Variants in ZNF503 observed in about 807,000 individuals in gnomAD.
ZNF503 encodes zinc finger protein 503, also known as NocA-like zinc finger 2.
In ZNF503, 15 loss-of-function variants were observed where a neutral mutation model predicts 34.4. That is an observed-to-expected ratio of 0.44 (90% CI 0.29 to 0.67). The LOEUF is 0.67. Ranked by LOEUF, ZNF503 falls within the 30% of genes least tolerant of loss-of-function variation. The pLI is 0.13. For missense variants in ZNF503, 1,007 were observed against 926.8 expected, an observed-to-expected ratio of 1.09 and a Z score of -1.12; for synonymous variants, 580 against 456.8, an observed-to-expected ratio of 1.27 and a Z score of -3.44.
At chr10:75,394,044 C>G (rs1843671384), downstream of ZNF503, among the ~76,000 whole-genome samples, 1 of 152,206 alleles carries the variant, frequency 6.6e-6, no homozygotes, top group South Asian at 2.1e-4. Context: ...CAGGCAAGAG[C>G]AGCCAAGGTG....
At chr10:75,340,164 A>C in the ZNF503 span, among the ~76,000 whole-genome samples, 1 of 2,344 alleles carries the variant, frequency 4.3e-4, no homozygotes, top group Non-Finnish European at 9.9e-4. Context: ...GGCCGGGGGG[A>C]GGGGGCGGGG....
rs781762898 is a variant in ZNF503 at position 75,401,099 on chromosome 10, C to A, written c.315+6G>T. On this transcript the variant is annotated splice_donor_region_variant and intron_variant, in intron 1 of 1. Coordinates refer to ENST00000372524, the MANE Select transcript of ZNF503 (RefSeq NM_032772.6). ...TCCCAGTGCGATCCAGAGAGAGGGT[C>A]CTTACCTCGATGGGGCTGACCGGCG... 1 of 1,613,606 alleles carries A rather than the reference C, an allele frequency of 6.2e-7. No homozygotes were observed. Among genetic ancestry groups the A allele is most frequent in the African/African-American group, 1.3e-5 (1 of 74,876 alleles).
At chr10:75,296,202 T>C in the ZNF503 span, among the ~76,000 whole-genome samples, 1 of 152,218 alleles carries the variant, frequency 6.6e-6, no homozygotes, top group African/African-American at 2.4e-5. Context: ...GGGGTCCCTG[T>C]CTCAGCATGG....
the ZNF503 span, chr10:75,350,294 A>G: frequency 6.6e-6 from 1 of 152,188 alleles, no homozygotes; most frequent in Non-Finnish European, 1.5e-5. Flanking sequence ...AGTAGGGTCT[A>G]TATAATTTAT....
At chr10:75,318,163 A>G in the ZNF503 span, among the ~76,000 whole-genome samples, 20 of 152,210 alleles carry the variant, frequency 1.3e-4, no homozygotes, top group Admixed American at 2.0e-4. Flanking sequence ...GTGTACATAT[A>G]TCAAAACATC....
the ZNF503 span, among the ~76,000 whole-genome samples, chr10:75,347,565 C>T: frequency 3.3e-5 from 5 of 152,226 alleles, no homozygotes; most frequent in South Asian, 1.0e-3. Context: ...TAACTCAGGC[C>T]TCATTGCCCT....
At chr10:75,370,378 G>T in the ZNF503 span, among the ~76,000 whole-genome samples, 1 of 152,066 alleles carries the variant, frequency 6.6e-6, no homozygotes, top group Non-Finnish European at 1.5e-5. Flanking sequence ...ATCTATTCTG[G>T]CACACAAATC....
At chr10:75,384,430 A>T in the ZNF503 span, among the ~76,000 whole-genome samples, 2 of 152,250 alleles carry the variant, frequency 1.3e-5, no homozygotes, top group African/African-American at 4.8e-5. Context: ...AAACACATAG[A>T]GTGTCACTTG....
At chr10:75,282,481 A>T in the ZNF503 span, among the ~76,000 whole-genome samples, 6 of 152,342 alleles carry the variant, frequency 3.9e-5, no homozygotes, top group East Asian at 3.9e-4. Context: ...TGAAGTCATC[A>T]TTGAGCTGCT....
the ZNF503 span, among the ~76,000 whole-genome samples, chr10:75,346,805 G>GA: frequency 1.1e-5 from 1 of 90,118 alleles, no homozygotes; most frequent in African/African-American, 3.7e-5. Context: ...TTATTAAAAA[G>GA]AATTTTTTTT....
At chr10:75,379,424 C>T in the ZNF503 span, among the ~76,000 whole-genome samples, 34 of 152,318 alleles carry the variant, frequency 2.2e-4, no homozygotes, top group Middle Eastern at 3.4e-3. Flanking sequence ...GATCTGTTTA[C>T]GAGCTGATTA....
chr10:75,369,301 A>T, the ZNF503 span, among the ~76,000 whole-genome samples: 2 of 152,210 alleles, frequency 1.3e-5, no homozygotes, highest in African/African-American at 4.8e-5. Flanking sequence ...CTCTGTGTCC[A>T]GACCCAAATC....
chr10:75,353,433 TCAGCTG>T, the ZNF503 span, among the ~76,000 whole-genome samples: 1 of 152,178 alleles, frequency 6.6e-6, no homozygotes, highest in African/African-American at 2.4e-5. Context: ...TCTGCTCTCC[TCAGCTG>T]AGCAGCCAGA....
the ZNF503 span, among the ~76,000 whole-genome samples, chr10:75,286,388 G>A: frequency 6.6e-6 from 1 of 152,140 alleles, no homozygotes; most frequent in African/African-American, 2.4e-5. Flanking sequence ...TTAAATACTG[G>A]GCTAGGGCTG....
At chr10:75,309,997 T>G in the ZNF503 span, among the ~76,000 whole-genome samples, 1 of 152,242 alleles carries the variant, frequency 6.6e-6, no homozygotes, top group Non-Finnish European at 1.5e-5. Context: ...ACATTCCATA[T>G]GATTTTTATA....
chr10:75,367,456 C>T, the ZNF503 span, among the ~76,000 whole-genome samples: 1 of 152,348 alleles, frequency 6.6e-6, no homozygotes, highest in Non-Finnish European at 1.5e-5. Context: ...GTGGCTGCTG[C>T]AGCCCTGGTC....
At chr10:75,363,053 G>A in the ZNF503 span, among the ~76,000 whole-genome samples, 1 of 150,786 alleles carries the variant, frequency 6.6e-6, no homozygotes, top group African/African-American at 2.5e-5. Flanking sequence ...TCTGTGTGTG[G>A]GCATGGGTGT....
the ZNF503 span, among the ~76,000 whole-genome samples, chr10:75,303,603 G>A: frequency 6.6e-6 from 1 of 152,186 alleles, no homozygotes; most frequent in Non-Finnish European, 1.5e-5. Context: ...TGTCTGGAGT[G>A]AGTAGACACT....
At chr10:75,281,086 T>C in the ZNF503 span, among the ~76,000 whole-genome samples, 2 of 152,218 alleles carry the variant, frequency 1.3e-5, no homozygotes, top group East Asian at 1.9e-4. Flanking sequence ...CTAGAATGCA[T>C]TGAAACTGAA....
Sources: gnomAD v4.1 joint callset for allele counts (sites outside exome capture counted in the v4.1 genomes callset) on GRCh38, gnomAD v4.1.1 for gene constraint, MANE v1.5 for transcripts, NCBI Gene and HGNC (gene_info 2026-07-23, HGNC 2026-07-21) for gene names.